The following SIMC1 variants were observed in gnomAD, a reference collection of about 807,000 sequenced individuals.
The protein encoded by SIMC1 is SUMO interacting motifs containing 1.
A neutral mutation model predicts 82.3 loss-of-function variants in SIMC1; 55 were observed. The ratio of observed to expected loss-of-function variants is 0.67; its 90% CI spans 0.54 to 0.84. The LOEUF (loss-of-function observed/expected upper bound fraction) is 0.84, where lower values mean the gene tolerates loss of function less well. Among genes scored for constraint, SIMC1 ranks in the 40% least tolerant of loss-of-function variants. The pLI, the probability that SIMC1 is intolerant of heterozygous loss-of-function variation, is 0.00. For synonymous variants in SIMC1, 353 were observed against 426.3 expected, an observed-to-expected ratio of 0.83 and a Z score of 2.12; for missense variants, 915 against 1,107.2, an observed-to-expected ratio of 0.83 and a Z score of 2.46.
In SIMC1 at chr5:176,249,350, A is replaced by G. The variant is rs1441617161; in HGVS notation, c.129+10713A>G. ...TCTTGGGAGGGTGTATGTGTCCAGG[A>G]CATTGTCCATTTCTTCTAGATTTTC... On this transcript the variant is annotated intron_variant, in intron 1 of 9. Coordinates refer to ENST00000429602, the MANE Select transcript of SIMC1 (RefSeq NM_001308195.2). Among the ~76,000 whole-genome samples, 4 of 152,062 alleles carry G rather than the reference A, an allele frequency of 2.6e-5. No individual in the cohort carries two copies. The East Asian group carries it at 7.7e-4, about 29-fold the overall frequency.
At chr5:176,271,177 T>A (rs1299267287) in intron 1 of SIMC1, among the ~76,000 whole-genome samples, 1 of 152,088 alleles carries the variant, frequency 6.6e-6, no homozygotes, top group Non-Finnish European at 1.5e-5. Flanking sequence ...CTGGCCAACA[T>A]GGCGAAACCC....
At chr5:176,332,158 A>G (rs1208948429) in intron 7 of SIMC1, among the ~76,000 whole-genome samples, 1 of 152,070 alleles carries the variant, frequency 6.6e-6, no homozygotes, top group Admixed American at 6.5e-5. Flanking sequence ...TAATCTGACT[A>G]TTTGTTTCCT....
chr5:176,282,247 A>G (rs1376765684), intron 1 of SIMC1, among the ~76,000 whole-genome samples: 1 of 152,234 alleles, frequency 6.6e-6, no homozygotes, highest in African/African-American at 2.4e-5. Flanking sequence ...GGTGCAGGAT[A>G]TAATCTCCTG....
intron 5 of SIMC1, among the ~76,000 whole-genome samples, chr5:176,320,187 T>C (rs1412429922): frequency 6.6e-6 from 1 of 152,156 alleles, no homozygotes; most frequent in Non-Finnish European, 1.5e-5. Flanking sequence ...CCCCATTTGC[T>C]TCAGTGTCTG....
intron 5 of SIMC1, among the ~76,000 whole-genome samples, chr5:176,317,861 G>C (rs547004373): frequency 6.6e-6 from 1 of 152,166 alleles, no homozygotes; most frequent in South Asian, 2.1e-4. Flanking sequence ...CTTGAACAAA[G>C]AACTGGACAA....
At chr5:176,252,875 C>T (rs1477051265) in intron 1 of SIMC1, among the ~76,000 whole-genome samples, 2 of 152,222 alleles carry the variant, frequency 1.3e-5, no homozygotes, top group Admixed American at 1.3e-4. Context: ...AACGAGACTC[C>T]GTCTGCAATC....
intron 5 of SIMC1, among the ~76,000 whole-genome samples, chr5:176,321,906 T>TG (rs4045534): frequency 6.8e-6 from 1 of 148,064 alleles, no homozygotes; most frequent in Non-Finnish European, 1.5e-5. Flanking sequence ...TTTTTTTTTT[T>TG]GTAGAGTTGG....
At chr5:176,337,461 G>T (rs1022102234) in intron 9 of SIMC1, among the ~76,000 whole-genome samples, 2 of 152,180 alleles carry the variant, frequency 1.3e-5, no homozygotes, top group African/African-American at 4.8e-5. Flanking sequence ...AGGCGTGGTG[G>T]TGTATGCCTG....
intron 7 of SIMC1, 33 bp from the exon 8 acceptor site, chr5:176,336,687 A>G: frequency 1.9e-6 from 3 of 1,608,502 alleles, no homozygotes; most frequent in Non-Finnish European, 2.6e-6. Context: ...CATAGTTGTG[A>G]TGATTAACTC....
chr5:176,291,079 C>G, intron 2 of SIMC1, 124 bp downstream of exon 2: 1 of 640,140 alleles, frequency 1.6e-6, no homozygotes, highest in East Asian at 2.8e-5. Flanking sequence ...TATCTTTCCT[C>G]CACTTGTGAA....
chr5:176,298,465 C>A lies in SIMC1; in HGVS notation c.1734+2145C>A, dbSNP rs186390476. The stretch of plus-strand genomic sequence containing the variant: ...CTCAGCCAACATGGTGAGACCCCAT[C>A]TCTACTAAAAATATAAACATTAGCT... On this transcript the variant is annotated intron_variant, in intron 4 of 9. Coordinates refer to ENST00000429602, the MANE Select transcript of SIMC1 (RefSeq NM_001308195.2). 5.0e-3 allele frequency among the ~76,000 whole-genome samples: 762 copies of A among 152,278 alleles called. 10 individuals carry two copies. Among genetic ancestry groups the A allele is most frequent in the African/African-American group, 0.017 (701 of 41,550 alleles).
intron 7 of SIMC1, 53 bp downstream of exon 7, chr5:176,324,810 A>C: frequency 6.7e-7 from 1 of 1,493,050 alleles, no homozygotes; most frequent in Non-Finnish European, 8.9e-7. Context: ...AAACAAAAAA[A>C]ACTCTTGGAA....
chr5:176,319,145 C>T lies in SIMC1; in HGVS notation c.1890-3128C>T, dbSNP rs1264644078. 2.0e-5 allele frequency among the ~76,000 whole-genome samples: 3 copies of T among 152,036 alleles called. No homozygotes were observed. In the East Asian group the frequency reaches 5.8e-4, roughly 29 times the overall value. ...AAGAAGTCATAAGCTATTTTGATTA[C>T]TGATTCTTTGTATGTGCCCTGGTTT... On this transcript the variant is annotated intron_variant, in intron 5 of 9. Coordinates refer to ENST00000429602, the MANE Select transcript of SIMC1 (RefSeq NM_001308195.2).
intron 4 of SIMC1, 97 bp downstream of exon 4, chr5:176,296,417 A>AT: frequency 6.3e-7 from 1 of 1,593,380 alleles, no homozygotes; most frequent in South Asian, 1.1e-5. Flanking sequence ...TAATCCCAGC[A>AT]TTTTGGGAGG....
chr5:176,323,987 CAAAAAAAAAAAAAAA>C (rs754656711), intron 6 of SIMC1, among the ~76,000 whole-genome samples: 1 of 96,952 alleles, frequency 1.0e-5, no homozygotes, highest in African/African-American at 3.8e-5. Flanking sequence ...GACTCCATCT[CAAAAAAAAAAAAAAA>C]AAAAAAAAAA....
intron 4 of SIMC1, among the ~76,000 whole-genome samples, chr5:176,305,178 C>T (rs866429343): frequency 4.0e-5 from 2 of 50,476 alleles, no homozygotes; most frequent in African/African-American, 7.2e-5. Flanking sequence ...CCGTGCCGTC[C>T]GGGAGGGAGG....
intron 1 of SIMC1, among the ~76,000 whole-genome samples, chr5:176,280,570 G>A (rs1762947304): frequency 6.6e-6 from 1 of 152,066 alleles, no homozygotes; most frequent in African/African-American, 2.4e-5. Context: ...GGAGCGGCTG[G>A]TACCGGTTGT....
At position 176,296,263 on chromosome 5, in the gene SIMC1, C is replaced by G. The variant is rs1460369347; in HGVS notation, c.1677C>G (p.Ala559=). Residue 559 remains alanine, a synonymous_variant, in exon 4 of 10, where the codon GCC becomes GCG. Transcript: ENST00000429602. The part of the protein sequence containing the change: ...LLMKIQQLHP[A]NAKTVEWDWK... Reference sequence around the variant, plus strand: ...ACTTGACTTTCAGGCTACATCCAGCCAATGCCAAGACAGTGGAGTGGGACT... The same window carrying G: ...ACTTGACTTTCAGGCTACATCCAGCGAATGCCAAGACAGTGGAGTGGGACT... 6.2e-7 allele frequency: 1 copy of G among 1,613,018 alleles called. No individual in the cohort carries two copies. The highest frequency in any genetic ancestry group is 8.5e-7 in the Non-Finnish European group (1 of 1,179,300).
chr5:176,329,424 T>C (rs905830518), intron 7 of SIMC1, among the ~76,000 whole-genome samples: 5 of 145,286 alleles, frequency 3.4e-5, no homozygotes, highest in African/African-American at 1.3e-4. Flanking sequence ...TGAGCAGAGA[T>C]AGAGATAGTG....
Sources: allele counts gnomAD v4.1 joint callset (sites outside exome capture counted in the v4.1 genomes callset), GRCh38; gene constraint gnomAD v4.1.1; transcripts MANE v1.5; gene names NCBI Gene and HGNC (gene_info 2026-07-23, HGNC 2026-07-21).